ARMC3: variants seen among roughly 807,000 people sequenced by gnomAD.
ARMC3 encodes armadillo repeat containing 3, also known as armadillo repeat-containing protein 3.
A neutral mutation model predicts 90.3 loss-of-function variants in ARMC3; 74 were observed. That is an observed-to-expected ratio of 0.82 (90% confidence interval 0.68 to 0.99). The LOEUF (loss-of-function observed/expected upper bound fraction) is 0.99. Ranked by LOEUF, ARMC3 falls within the 50% of genes least tolerant of loss-of-function variation. The pLI is 0.00. For synonymous variants in ARMC3, 334 were observed against 361.8 expected (o/e 0.92, Z 0.87); for missense variants, 958 against 1,042.8 (o/e 0.92, Z 1.12).
intron 7 of ARMC3, among the ~76,000 whole-genome samples, chr10:22,965,038 T>C (rs888438078): frequency 3.3e-5 from 5 of 152,192 alleles, no homozygotes; most frequent in African/African-American, 1.2e-4. Context: ...TCCTATATCA[T>C]GTGTTAAGAT....
chr10:22,986,567 A>C lies in ARMC3; in HGVS notation c.1175+4867A>C, dbSNP rs375712275. Reference sequence around the variant, plus strand: ...ACTCCATCTCAAAAAAAAAAACAAAAAAAAAAAAAACAAACCCAAAACAAA... The same window carrying C: ...ACTCCATCTCAAAAAAAAAAACAAACAAAAAAAAAACAAACCCAAAACAAA... On this transcript the variant is annotated intron_variant, in intron 10 of 18. Transcript: ENST00000298032. Among the ~76,000 whole-genome samples, 831 of 145,482 alleles carry C rather than the reference A, an allele frequency of 5.7e-3. 5 individuals carry two copies. Among genetic ancestry groups the C allele is most frequent in the African/African-American group, 0.011 (422 of 38,718 alleles).
intron 3 of ARMC3, among the ~76,000 whole-genome samples, chr10:22,950,931 G>A (rs1188239694): frequency 4.0e-5 from 6 of 150,338 alleles, no homozygotes; most frequent in African/African-American, 2.4e-5. Flanking sequence ...AAAAGACTGT[G>A]AAAAATCTTT....
chr10:22,981,531 G>A (rs1836188096), intron 9 of ARMC3, 39 bp downstream of exon 9: 1 of 1,613,042 alleles, frequency 6.2e-7, no homozygotes, highest in Admixed American at 1.7e-5. Flanking sequence ...GCATTTTTAG[G>A]TTACCGTATT....
At chr10:22,987,466 G>T (rs1836501784) in intron 10 of ARMC3, among the ~76,000 whole-genome samples, 1 of 152,176 alleles carries the variant, frequency 6.6e-6, no homozygotes, top group Non-Finnish European at 1.5e-5. Flanking sequence ...ACTATGAAAA[G>T]ATTAGAATAA....
chr10:22,946,468 G>C, intron 3 of ARMC3: 1 of 339,692 alleles, frequency 2.9e-6, no homozygotes, highest in Non-Finnish European at 5.4e-6. Flanking sequence ...TAGTCACTGG[G>C]TAGAACAGTC....
intron 10 of ARMC3, among the ~76,000 whole-genome samples, chr10:22,986,651 GACAA>G (rs1012701848): frequency 3.3e-4 from 49 of 150,622 alleles, no homozygotes; most frequent in African/African-American, 8.3e-4. Context: ...AAGTCTATTT[GACAA>G]ACAAAGTCTG....
At chr10:22,967,897 C>T (rs1026447428) in intron 7 of ARMC3, among the ~76,000 whole-genome samples, 1 of 152,202 alleles carries the variant, frequency 6.6e-6, no homozygotes, top group East Asian at 1.9e-4. Flanking sequence ...TCAGGCAAGA[C>T]GGCCACACAC....
At chr10:22,931,408 G>T (rs1490649220) in intron 1 of ARMC3, among the ~76,000 whole-genome samples, 1 of 152,130 alleles carries the variant, frequency 6.6e-6, no homozygotes. Context: ...CTAAGCTGTG[G>T]ATTATGAAAG....
At chr10:22,961,701 TAAAATA>T in intron 6 of ARMC3, 177 bp from the exon 7 acceptor site, 1 of 560,458 alleles carries the variant, frequency 1.8e-6, no homozygotes, top group South Asian at 2.5e-5. Flanking sequence ...ATATTACAGT[TAAAATA>T]AATTTTGATG....
intron 8 of ARMC3, 32 bp from the exon 9 acceptor site, chr10:22,981,308 T>C (rs1163761762): frequency 2.6e-6 from 4 of 1,558,446 alleles, no homozygotes; most frequent in Non-Finnish European, 3.5e-6. Flanking sequence ...TGCATTAAAA[T>C]TCTGAATTTT....
intron 16 of ARMC3, chr10:23,014,344 T>C: frequency 1.5e-6 from 2 of 1,350,556 alleles, no homozygotes; most frequent in Admixed American, 5.9e-5. Flanking sequence ...CTTCCCTTCT[T>C]AGCCTTTGGT....
chr10:22,967,328 A>G (rs1835482648), intron 7 of ARMC3, among the ~76,000 whole-genome samples: 7 of 152,196 alleles, frequency 4.6e-5, no homozygotes, highest in Admixed American at 3.3e-4. Context: ...ACTGTGGCCC[A>G]GATAAAAATT....
At chr10:23,030,874 A>G (rs1838901927) in intron 17 of ARMC3, 78 bp downstream of exon 17, 1 of 1,443,998 alleles carries the variant, frequency 6.9e-7, no homozygotes, top group African/African-American at 1.4e-5. Context: ...CATGTTTTAG[A>G]CAAATACACC....
At chr10:22,964,397 G>C (rs951788425) in intron 7 of ARMC3, among the ~76,000 whole-genome samples, 2 of 149,180 alleles carry the variant, frequency 1.3e-5, no homozygotes, top group African/African-American at 4.9e-5. Flanking sequence ...TGTCTGATCT[G>C]TTTTATTCCA....
At chr10:22,931,933 C>T in intron 1 of ARMC3, 63 bp from the exon 2 acceptor site, 1 of 1,413,580 alleles carries the variant, frequency 7.1e-7, no homozygotes, top group African/African-American at 1.4e-5. Flanking sequence ...CTCTCAAGGG[C>T]ACAGGTAATT....
At chr10:22,939,707 C>G (rs1019944037) in intron 2 of ARMC3, among the ~76,000 whole-genome samples, 1 of 152,090 alleles carries the variant, frequency 6.6e-6, no homozygotes, top group African/African-American at 2.4e-5. Context: ...AGATGCTCAG[C>G]TACATAATTT....
chr10:22,957,205 C>G (rs1834977981), intron 4 of ARMC3, among the ~76,000 whole-genome samples: 1 of 151,902 alleles, frequency 6.6e-6, no homozygotes, highest in South Asian at 2.1e-4. Context: ...GCCATTTTCC[C>G]TGGACCCCGT....
intron 10 of ARMC3, among the ~76,000 whole-genome samples, chr10:22,987,926 A>G (rs920519175): frequency 6.6e-6 from 1 of 152,220 alleles, no homozygotes; most frequent in African/African-American, 2.4e-5. Context: ...TACCAGAGAC[A>G]AAAAGCTCTT....
intron 8 of ARMC3, among the ~76,000 whole-genome samples, chr10:22,969,488 C>T (rs1835588036): frequency 6.6e-6 from 1 of 152,158 alleles, no homozygotes; most frequent in South Asian, 2.1e-4. Context: ...TCAGCACACA[C>T]TGGATTTCTT....
Sources: allele counts gnomAD v4.1 joint callset (sites outside exome capture counted in the v4.1 genomes callset), GRCh38; gene constraint gnomAD v4.1.1; transcripts MANE v1.5; gene names NCBI Gene and HGNC (gene_info 2026-07-23, HGNC 2026-07-21).